DAPK1: variants seen among roughly 807,000 people sequenced by gnomAD.
The protein encoded by DAPK1 is death-associated protein kinase 1.
Under a neutral mutation model 144.9 loss-of-function variants are expected in DAPK1, and 56 were observed. That is an observed-to-expected ratio of 0.39 (90% CI 0.31 to 0.48). The LOEUF is 0.48. DAPK1 is among the 20% of genes least tolerant of loss of function. The pLI, the probability that DAPK1 is intolerant of heterozygous loss-of-function variation, is 0.95. For synonymous variants in DAPK1, 690 were observed against 749.0 expected (o/e 0.92, Z 1.29); for missense variants, 1,454 against 1,875.4 (o/e 0.78, Z 4.15).
intron 16 of DAPK1, 110 bp from the exon 17 acceptor site, chr9:87,651,417 A>G: frequency 9.7e-7 from 1 of 1,029,774 alleles, no homozygotes; most frequent in Admixed American, 1.8e-5. Flanking sequence ...GGCTTTTAGT[A>G]GTGATCTTGT....
chr9:87,500,500 A>T (rs1251055604), intron 2 of DAPK1, among the ~76,000 whole-genome samples: 5 of 152,236 alleles, frequency 3.3e-5, no homozygotes, highest in Non-Finnish European at 5.9e-5. Context: ...AAAGCAAAAA[A>T]ATAAATTTTA....
intron 2 of DAPK1, among the ~76,000 whole-genome samples, chr9:87,560,552 T>G (rs1269355168): frequency 2.0e-5 from 3 of 152,170 alleles, no homozygotes; most frequent in Non-Finnish European, 2.9e-5. Flanking sequence ...TTTGGACTAC[T>G]TTAGATACCT....
chr9:87,506,933 A>G (rs149161979), intron 2 of DAPK1: 237 of 152,364 alleles, frequency 1.6e-3, no homozygotes, highest in African/African-American at 5.2e-3. Flanking sequence ...TTCTTAGGTA[A>G]GTACAGTTGT....
intron 3 of DAPK1, among the ~76,000 whole-genome samples, chr9:87,633,710 A>G (rs1189259268): frequency 6.6e-6 from 1 of 152,136 alleles, no homozygotes; most frequent in African/African-American, 2.4e-5. Flanking sequence ...GCACGAGATG[A>G]CCAGGCCAGA....
chr9:87,696,315 G>A (rs1053536939), intron 21 of DAPK1, among the ~76,000 whole-genome samples: 2 of 152,124 alleles, frequency 1.3e-5, no homozygotes, highest in African/African-American at 4.8e-5. Flanking sequence ...AGGTACTTAG[G>A]GAAAGAGTTA....
intron 20 of DAPK1, among the ~76,000 whole-genome samples, chr9:87,685,989 A>G (rs995160506): frequency 1.3e-5 from 2 of 152,214 alleles, no homozygotes; most frequent in Non-Finnish European, 2.9e-5. Context: ...CTGCAAGAAC[A>G]ACTGAAAGGC....
upstream of DAPK1, chr9:87,497,791 C>T: frequency 2.8e-6 from 1 of 359,418 alleles, no homozygotes; most frequent in Non-Finnish European, 5.0e-6. Context: ...GCCGCGCCGC[C>T]AGCCCGCTTG....
Position 87,648,600 on chromosome 9 carries a change from G to A in DAPK1, c.1330-181G>A, listed in dbSNP as rs36213351. On this transcript the variant is annotated intron_variant, in intron 14 of 25. Coordinates refer to ENST00000408954, the MANE Select transcript of DAPK1 (RefSeq NM_004938.4). ...ATGTGGGCTTAATACTCACTGTGTG[G>A]TGGACACCCCAACCTCAGGTCCCCA... The A allele has an allele frequency of 1.1e-3, 647 of 593,228 alleles. 4 individuals are homozygous for A. The highest frequency in any genetic ancestry group is 0.01 in the African/African-American group (560 of 53,906). 36.7% of individuals were successfully genotyped at this position (593,228 alleles called of 1,614,324 possible). A position where few individuals can be genotyped will look rare whatever the true frequency, so the allele number is the denominator to read the frequency against.
chr9:87,683,105 T>A (rs901680707), intron 20 of DAPK1, among the ~76,000 whole-genome samples: 1 of 150,726 alleles, frequency 6.6e-6, no homozygotes, highest in Non-Finnish European at 1.5e-5. Flanking sequence ...TTTTTTGAGA[T>A]GGAGTCTCGC....
intron 2 of DAPK1, among the ~76,000 whole-genome samples, chr9:87,604,605 G>C (rs561604282): frequency 6.6e-6 from 1 of 152,222 alleles, no homozygotes; most frequent in South Asian, 2.1e-4. Flanking sequence ...TCAGAGACTA[G>C]ACGTGCAGGA....
intron 17 of DAPK1, among the ~76,000 whole-genome samples, chr9:87,652,297 C>T (rs1238058422): frequency 7.4e-6 from 1 of 134,626 alleles, no homozygotes; most frequent in South Asian, 2.7e-4. Flanking sequence ...TCTGTGTCCT[C>T]CCACCTGATC....
At position 87,638,011 on chromosome 9, in the gene DAPK1, A is replaced by T; in HGVS notation, c.353A>T (p.Glu118Val). The change falls in exon 4 of 26, where the codon GAA (glutamate) becomes GTA (valine). Residue 118 changes from glutamate (E) to valine (V), a missense_variant. Around this residue, in one of 2 missense-constraint regions of DAPK1, gnomAD observed 429 missense variants for 637.5 expected, o/e 0.67. Transcript: ENST00000408954. Reference sequence around the variant, plus strand: ...TCTTTAACTGAAGAGGAAGCAACTGAATTTCTCAAACAAATTCTTAATGGT... The same window carrying T: ...TCTTTAACTGAAGAGGAAGCAACTGTATTTCTCAAACAAATTCTTAATGGT... The part of the protein sequence containing the change: ...KESLTEEEAT[E>V]FLKQILNGVY... The T allele has an allele frequency of 6.2e-7, 1 of 1,614,152 alleles. No homozygotes were observed. Among genetic ancestry groups the T allele is most frequent in the South Asian group, 1.1e-5 (1 of 91,078 alleles).
At chr9:87,562,272 CA>C (rs1332468042) in intron 2 of DAPK1, among the ~76,000 whole-genome samples, 10 of 152,220 alleles carry the variant, frequency 6.6e-5, no homozygotes, top group Non-Finnish European at 1.5e-4. Context: ...CTGTAACAAA[CA>C]ACCCCAATAG....
Position 87,549,572 on chromosome 9 carries a change from C to T in DAPK1, c.62+50433C>T, listed in dbSNP as rs369620202. ...CAAACCTTATTCTGTTTTAATTAGG[C>T]ATTTCACACAATTTAAATTAGTTTT... On this transcript the variant is annotated intron_variant, in intron 2 of 25. Transcript: ENST00000408954. Among the ~76,000 whole-genome samples the T allele has an allele frequency of 3.4e-3, 512 of 152,258 alleles. 4 individuals carry two copies. Among genetic ancestry groups the T allele is most frequent in the African/African-American group, 0.012 (489 of 41,550 alleles).
At chr9:87,556,378 C>G (rs1383275451) in intron 2 of DAPK1, among the ~76,000 whole-genome samples, 1 of 152,204 alleles carries the variant, frequency 6.6e-6, no homozygotes, top group Non-Finnish European at 1.5e-5. Context: ...GGGAGGGTGC[C>G]CACGTGTGTG....
intron 3 of DAPK1, among the ~76,000 whole-genome samples, chr9:87,626,188 G>A (rs747713483): frequency 9.2e-5 from 14 of 152,196 alleles, no homozygotes; most frequent in Non-Finnish European, 1.8e-4. Context: ...GGCCAAGGTG[G>A]GTGGATCACC....
At chr9:87,682,034 A>G (rs1824649154) in intron 20 of DAPK1, among the ~76,000 whole-genome samples, 2 of 152,210 alleles carry the variant, frequency 1.3e-5, no homozygotes, top group South Asian at 2.1e-4. Context: ...TAGCAGCCCA[A>G]GAAGGGTCCT....
intron 2 of DAPK1, among the ~76,000 whole-genome samples, chr9:87,537,584 A>G (rs966739812): frequency 6.7e-6 from 1 of 149,198 alleles, no homozygotes; most frequent in Non-Finnish European, 1.5e-5. Flanking sequence ...GCATGTGTGT[A>G]GATGTGTAGT....
intron 7 of DAPK1, 117 bp downstream of exon 7, chr9:87,639,932 A>T (rs947997770): frequency 2.7e-6 from 3 of 1,127,970 alleles, no homozygotes; most frequent in Non-Finnish European, 3.8e-6. Flanking sequence ...TGATGCAAAC[A>T]TATTCATTTT....
Sources: gnomAD v4.1 joint callset for allele counts (sites outside exome capture counted in the v4.1 genomes callset) on GRCh38, gnomAD v4.1.1 for gene constraint, gnomAD v4.1.1 regional missense constraint, MANE v1.5 for transcripts, NCBI Gene and HGNC (gene_info 2026-07-23, HGNC 2026-07-21) for gene names.